The following DCC variants were observed in gnomAD, a reference collection of about 807,000 sequenced individuals.
The protein encoded by DCC is netrin receptor DCC.
A neutral mutation model predicts 172.5 loss-of-function variants in DCC; 58 were observed. The ratio of observed to expected loss-of-function variants is 0.34; its 90% confidence interval spans 0.27 to 0.42. The LOEUF (loss-of-function observed/expected upper bound fraction) is 0.42. Ranked by LOEUF, DCC falls within the 10% of genes least tolerant of loss-of-function variation. The pLI, the probability that DCC is intolerant of heterozygous loss-of-function variation, is 1.00. For synonymous variants in DCC, 709 were observed against 644.5 expected, an observed-to-expected ratio of 1.10 and a Z score of -1.52; for missense variants, 1,740 against 1,791.0, an observed-to-expected ratio of 0.97 and a Z score of 0.51.
chr18:53,293,467 C>G (rs1040874619), intron 12 of DCC, among the ~76,000 whole-genome samples: 9 of 152,044 alleles, frequency 5.9e-5, no homozygotes, highest in Admixed American at 4.6e-4. Flanking sequence ...AGATTACTAG[C>G]GTTTTTTAAA....
intron 1 of DCC, among the ~76,000 whole-genome samples, chr18:52,536,053 G>C (rs1025969805): frequency 7.2e-5 from 11 of 152,132 alleles, no homozygotes; most frequent in African/African-American, 2.7e-4. Context: ...AGATCAGACA[G>C]ACGCTGAGAT....
At chr18:53,505,106 GTGTT>G (rs1305490747) in intron 27 of DCC, 1 of 152,146 alleles carries the variant, frequency 6.6e-6, no homozygotes, top group Non-Finnish European at 1.5e-5. Context: ...ATTTAGCTGA[GTGTT>G]TGAGTAAACA....
At chr18:53,078,895 A>G (rs1000808655) in intron 7 of DCC, among the ~76,000 whole-genome samples, 1 of 152,150 alleles carries the variant, frequency 6.6e-6, no homozygotes, top group Non-Finnish European at 1.5e-5. Flanking sequence ...TAAAGCAAGA[A>G]AAGTCCAACA....
intron 23 of DCC, among the ~76,000 whole-genome samples, chr18:53,453,058 G>T (rs2045436278): frequency 6.6e-6 from 1 of 152,026 alleles, no homozygotes; most frequent in Non-Finnish European, 1.5e-5. Flanking sequence ...TGGGACTACA[G>T]GTGCCCGCCA....
intron 12 of DCC, among the ~76,000 whole-genome samples, chr18:53,291,078 G>A (rs1242664272): frequency 6.6e-6 from 1 of 152,010 alleles, no homozygotes; most frequent in Non-Finnish European, 1.5e-5. Flanking sequence ...TGAGGCAGGA[G>A]AATTGCTTGA....
At chr18:52,907,998 C>G (rs1049323198) in intron 3 of DCC, among the ~76,000 whole-genome samples, 5 of 152,126 alleles carry the variant, frequency 3.3e-5, no homozygotes, top group African/African-American at 7.2e-5. Context: ...TCATGTAATG[C>G]CTACTTTCTC....
intron 12 of DCC, among the ~76,000 whole-genome samples, chr18:53,301,664 A>G (rs532662274): frequency 6.6e-6 from 1 of 151,756 alleles, no homozygotes; most frequent in Non-Finnish European, 1.5e-5. Context: ...CTACTTATTT[A>G]GATGTCTCTT....
At position 52,554,319 on chromosome 18, in the gene DCC, T is replaced by C. The variant is rs191024321; in HGVS notation, c.92-197735T>C. Among the ~76,000 whole-genome samples the C allele has an allele frequency of 1.9e-4, 29 of 152,246 alleles. 1 individual carries two copies. Among genetic ancestry groups the C allele is most frequent in the African/African-American group, 6.3e-4 (26 of 41,570 alleles). Reference sequence around the variant, plus strand: ...TTTCCTGTTTATCCTGATTAACATTTCCATCAACCTGGATGAATGCTTCTG... The same window carrying C: ...TTTCCTGTTTATCCTGATTAACATTCCCATCAACCTGGATGAATGCTTCTG... On this transcript the variant is annotated intron_variant, in intron 1 of 28. Coordinates refer to ENST00000442544, the MANE Select transcript of DCC (RefSeq NM_005215.4).
intron 1 of DCC, among the ~76,000 whole-genome samples, chr18:52,705,500 A>G (rs1164694972): frequency 6.6e-6 from 1 of 152,210 alleles, no homozygotes; most frequent in Non-Finnish European, 1.5e-5. Flanking sequence ...TTTGATACAC[A>G]TGCTGGTAGT....
At chr18:53,130,303 G>C (rs930628237) in intron 7 of DCC, among the ~76,000 whole-genome samples, 1 of 152,054 alleles carries the variant, frequency 6.6e-6, no homozygotes, top group African/African-American at 2.4e-5. Flanking sequence ...TTTACTCTGG[G>C]GTGGCTCAGA....
intron 21 of DCC, among the ~76,000 whole-genome samples, chr18:53,428,414 T>C (rs186510533): frequency 0.047 from 2,109 of 45,146 alleles, 273 homozygotes; most frequent in African/African-American, 0.13. Flanking sequence ...ATATTACATA[T>C]ATAATATAAT....
chr18:52,917,296 G>A (rs1225088107), intron 3 of DCC, among the ~76,000 whole-genome samples: 2 of 152,084 alleles, frequency 1.3e-5, no homozygotes, highest in Non-Finnish European at 2.9e-5. Flanking sequence ...CCCAGCCTGG[G>A]CAACAGAGCG....
chr18:53,114,946 C>G (rs2043389032), intron 7 of DCC, among the ~76,000 whole-genome samples: 2 of 151,630 alleles, frequency 1.3e-5, no homozygotes, highest in Admixed American at 1.3e-4. Flanking sequence ...GGCCCACTGC[C>G]ATCAATGCTA....
intron 1 of DCC, among the ~76,000 whole-genome samples, chr18:52,709,078 C>T (rs1331891299): frequency 6.6e-6 from 1 of 152,118 alleles, no homozygotes. Context: ...CACAACAACC[C>T]CTGCAAGGTA....
intron 7 of DCC, among the ~76,000 whole-genome samples, chr18:53,099,943 C>CTTTTTTTTTTTTTTTTTTTT (rs533618559): frequency 1.1e-5 from 1 of 92,758 alleles, no homozygotes; most frequent in African/African-American, 5.0e-5. Context: ...TTCTTTCTTT[C>CTTTTTTTTTTTTTTTTTTTT]TTTTTTTTTT....
At chr18:52,784,061 G>C (rs1043034371) in intron 2 of DCC, among the ~76,000 whole-genome samples, 1 of 151,830 alleles carries the variant, frequency 6.6e-6, no homozygotes, top group African/African-American at 2.4e-5. Flanking sequence ...TGTACCTATT[G>C]ACTAACCTCT....
intron 1 of DCC, among the ~76,000 whole-genome samples, chr18:52,694,677 C>T (rs922104243): frequency 2.0e-5 from 3 of 152,068 alleles, no homozygotes; most frequent in East Asian, 3.9e-4. Flanking sequence ...CCACCAGTTA[C>T]AGCAAGAAGA....
intron 1 of DCC, among the ~76,000 whole-genome samples, chr18:52,449,208 C>T (rs1988224095): frequency 6.6e-6 from 1 of 152,202 alleles, no homozygotes; most frequent in Non-Finnish European, 1.5e-5. Flanking sequence ...AAAGACCTGA[C>T]CCCATGATTC....
At chr18:53,226,948 A>ATATATATTTTTTTTTT in intron 12 of DCC, among the ~76,000 whole-genome samples, 21 of 52,952 alleles carry the variant, frequency 4.0e-4, no homozygotes, top group African/African-American at 1.2e-3. Context: ...ATATATATAT[A>ATATATATTTTTTTTTT]TTTTTTTTTT....
Sources: allele counts gnomAD v4.1 joint callset (sites outside exome capture counted in the v4.1 genomes callset), GRCh38; gene constraint gnomAD v4.1.1; transcripts MANE v1.5; gene names NCBI Gene and HGNC (gene_info 2026-07-23, HGNC 2026-07-21).